LRRC49: variants seen among roughly 807,000 people sequenced by gnomAD.
LRRC49 encodes leucine-rich repeat-containing protein 49.
LRRC49 carries 50 observed loss-of-function variants against 83.3 expected under a neutral mutation model. The observed-to-expected ratio is 0.60, with a 90% CI of 0.48 to 0.76. LRRC49 has a LOEUF of 0.76. LRRC49 is among the 30% of genes least tolerant of loss of function. LRRC49 has a pLI of 0.00. For synonymous variants in LRRC49, 286 were observed against 283.3 expected (o/e 1.01, Z -0.10); for missense variants, 704 against 809.1 (o/e 0.87, Z 1.58).
At position 71,005,164 on chromosome 15, in the gene LRRC49, C is replaced by T. The variant is rs372996656; in HGVS notation, c.1170-3215C>T. On this transcript the variant is annotated intron_variant, in intron 11 of 15. Transcript: ENST00000260382. ...CCTGAACTTAAAGTAGTCATTCCTGCGCCCTTCTTCATTCTGTTTTCCCAA... is the reference window on the plus strand; with the variant it reads ...CCTGAACTTAAAGTAGTCATTCCTGTGCCCTTCTTCATTCTGTTTTCCCAA... Among the ~76,000 whole-genome samples, 37 of 152,162 alleles carry T rather than the reference C, an allele frequency of 2.4e-4. No homozygotes were observed. In the East Asian group the frequency reaches 6.8e-3, roughly 28 times the overall value.
chr15:70,900,925 A>T lies in LRRC49; in HGVS notation c.197A>T (p.Asp66Val), dbSNP rs1412505489. 4 of 1,560,170 alleles carry T rather than the reference A, an allele frequency of 2.6e-6. No homozygotes were observed. In the African/African-American group the frequency reaches 4.1e-5, roughly 16 times the overall value. ...ATTTGTATATCATTTTTAATAGGTG[A>T]TCATATTAATTTGGTGAGCTCATCA... ...LERNYSSRQG[D>V]HINLVSSSLS... Residue 66 changes from aspartate to valine, a missense_variant, in exon 4 of 16, where the codon GAT becomes GTT. This residue lies in a region of LRRC49 where 261 missense variants were observed against 330.5 expected (regional missense o/e 0.79). Transcript: ENST00000260382.
At chr15:70,937,431 G>A (rs2035637933) in intron 8 of LRRC49, among the ~76,000 whole-genome samples, 1 of 152,024 alleles carries the variant, frequency 6.6e-6, no homozygotes, top group African/African-American at 2.4e-5. Flanking sequence ...AATGCAAAAG[G>A]GCCCCTACTT....
intron 8 of LRRC49, among the ~76,000 whole-genome samples, chr15:70,955,733 T>C (rs1022003429): frequency 2.6e-5 from 4 of 151,638 alleles, no homozygotes; most frequent in Non-Finnish European, 5.9e-5. Context: ...GTAGTCCTCA[T>C]TTGTTTTTTT....
chr15:70,856,779 C>T (rs2032664857), intron 1 of LRRC49, among the ~76,000 whole-genome samples: 2 of 152,040 alleles, frequency 1.3e-5, no homozygotes, highest in Admixed American at 1.3e-4. Flanking sequence ...TTTGTTGCAC[C>T]CGATTTTGTC....
intron 4 of LRRC49, 101 bp from the exon 5 acceptor site, chr15:70,904,451 C>A: frequency 1.4e-6 from 1 of 734,398 alleles, no homozygotes; most frequent in Non-Finnish European, 2.2e-6. Context: ...TTATTTTTTT[C>A]TCCTCACAGA....
chr15:70,935,527 C>T (rs113670278), intron 7 of LRRC49, among the ~76,000 whole-genome samples: 2,077 of 151,944 alleles, frequency 0.014, 47 homozygotes, highest in African/African-American at 0.048. Flanking sequence ...AACTCTTACT[C>T]GGGTCTTAGA....
chr15:71,045,011 C>T (rs2039811945), intron 15 of LRRC49, among the ~76,000 whole-genome samples: 1 of 150,138 alleles, frequency 6.7e-6, no homozygotes, highest in Admixed American at 6.7e-5. Context: ...CTGCCTCAGC[C>T]TCTCGAGTAG....
chr15:70,907,366 A>G (rs1185422095), intron 5 of LRRC49: 1 of 152,258 alleles, frequency 6.6e-6, no homozygotes, highest in African/African-American at 2.4e-5. Flanking sequence ...TCTAAAGCTA[A>G]GAAAGAACCT....
chr15:70,906,569 C>T (rs1045687467), intron 5 of LRRC49, among the ~76,000 whole-genome samples: 1 of 152,208 alleles, frequency 6.6e-6, no homozygotes, highest in Non-Finnish European at 1.5e-5. Flanking sequence ...CTGGTTCCTA[C>T]CATTTTAAGT....
chr15:70,953,721 T>G (rs945546181), intron 8 of LRRC49, among the ~76,000 whole-genome samples: 1 of 152,174 alleles, frequency 6.6e-6, no homozygotes, highest in African/African-American at 2.4e-5. Context: ...TTTTCCAGGT[T>G]GCTTGTTGTT....
At chr15:70,870,388 T>C (rs965094115) in intron 1 of LRRC49, among the ~76,000 whole-genome samples, 120 of 152,364 alleles carry the variant, frequency 7.9e-4, no homozygotes, top group African/African-American at 2.8e-3. Flanking sequence ...GTTACCACTT[T>C]TTTTGTGACA....
intron 4 of LRRC49, chr15:70,902,612 C>T (rs1389417041): frequency 6.6e-6 from 1 of 152,282 alleles, no homozygotes; most frequent in African/African-American, 2.4e-5. Flanking sequence ...TTTCCAAAGG[C>T]AGATCTGCCA....
At chr15:70,879,242 T>C (rs1173216492) in intron 2 of LRRC49, among the ~76,000 whole-genome samples, 2 of 152,214 alleles carry the variant, frequency 1.3e-5, no homozygotes, top group East Asian at 3.8e-4. Flanking sequence ...AGATTCCTCA[T>C]GTCTCTTCAT....
chr15:70,976,009 A>G (rs62019101), intron 9 of LRRC49, among the ~76,000 whole-genome samples: 5,141 of 152,300 alleles, frequency 0.034, 125 homozygotes, highest in Non-Finnish European at 0.047. Context: ...TCACTGCGGA[A>G]GCCTATATAA....
chr15:70,893,816 T>G (rs753200635), intron 2 of LRRC49, among the ~76,000 whole-genome samples, 176 bp downstream of exon 2: 1 of 152,136 alleles, frequency 6.6e-6, no homozygotes, highest in Non-Finnish European at 1.5e-5. Context: ...AATAGCCCTC[T>G]TTAAAAAACT....
At chr15:70,959,095 T>C (rs1329547911) in intron 8 of LRRC49, among the ~76,000 whole-genome samples, 2 of 152,250 alleles carry the variant, frequency 1.3e-5, no homozygotes, top group African/African-American at 2.4e-5. Flanking sequence ...ATAAATAAAG[T>C]ATTTATAAAG....
At chr15:70,930,532 TG>T (rs1304586752) in intron 7 of LRRC49, among the ~76,000 whole-genome samples, 1 of 152,246 alleles carries the variant, frequency 6.6e-6, no homozygotes, top group Non-Finnish European at 1.5e-5. Flanking sequence ...TCAACAACTT[TG>T]TTAGCTCCTA....
intron 3 of LRRC49, chr15:70,900,053 C>G (rs1209452611): frequency 6.4e-6 from 1 of 155,428 alleles, no homozygotes; most frequent in Non-Finnish European, 1.4e-5. Context: ...ATTCACCTCC[C>G]CTCAAACCCC....
intron 8 of LRRC49, among the ~76,000 whole-genome samples, chr15:70,955,316 G>A (rs1430518528): frequency 6.6e-6 from 1 of 152,168 alleles, no homozygotes; most frequent in Non-Finnish European, 1.5e-5. Flanking sequence ...GTTATCTTAG[G>A]AGATGACAGC....
Sources: gnomAD v4.1 joint callset for allele counts (sites outside exome capture counted in the v4.1 genomes callset) on GRCh38, gnomAD v4.1.1 for gene constraint, gnomAD v4.1.1 regional missense constraint, MANE v1.5 for transcripts, NCBI Gene and HGNC (gene_info 2026-07-23, HGNC 2026-07-21) for gene names.